Variants in UACA observed in about 807,000 individuals in gnomAD.
The protein encoded by UACA is nuclear membrane binding protein.
UACA carries 112 observed loss-of-function variants against 160.5 expected under a neutral mutation model. The observed-to-expected ratio is 0.70, with a 90% CI of 0.60 to 0.82. The LOEUF (loss-of-function observed/expected upper bound fraction) is 0.82, where lower values mean the gene tolerates loss of function less well. Among genes scored for constraint, UACA ranks in the 40% least tolerant of loss-of-function variants. UACA has a pLI of 0.00. For missense variants in UACA, 1,574 were observed against 1,614.6 expected (o/e 0.97, Z 0.43); for synonymous variants, 557 against 568.4 (o/e 0.98, Z 0.29).
At chr15:70,670,341 C>T (rs1897093653) in intron 15 of UACA, among the ~76,000 whole-genome samples, 1 of 152,096 alleles carries the variant, frequency 6.6e-6, no homozygotes, top group Non-Finnish European at 1.5e-5. Flanking sequence ...TAGCCTGCCC[C>T]CAAGAGAAGA....
chr15:70,716,812 A>C (rs1389057098), intron 1 of UACA, among the ~76,000 whole-genome samples: 2 of 152,180 alleles, frequency 1.3e-5, no homozygotes, highest in East Asian at 3.8e-4. Flanking sequence ...AACAGTATTC[A>C]TCTATGTTTT....
intron 14 of UACA, 114 bp from the exon 15 acceptor site, chr15:70,671,205 C>T: frequency 1.4e-6 from 1 of 705,604 alleles, no homozygotes. Flanking sequence ...GCAAGAGGTA[C>T]AACACAAAAG....
chr15:70,749,698 C>CAAAAAAAAAAAAAAAAA (rs11292883), intron 1 of UACA, among the ~76,000 whole-genome samples: 32 of 70,046 alleles, frequency 4.6e-4, no homozygotes, highest in African/African-American at 1.6e-3. Flanking sequence ...GACTCCGTCT[C>CAAAAAAAAAAAAAAAAA]AAAAAAAAAA....
rs1001154257 is a variant in UACA at position 70,741,337 on chromosome 15, AG to A, written c.78+21992del. Among the ~76,000 whole-genome samples, 93 of 152,338 alleles carry A rather than the reference AG, an allele frequency of 6.1e-4. 1 individual carries two copies. The highest frequency in any genetic ancestry group is 2.2e-3 in the African/African-American group (90 of 41,588). On this transcript the variant is annotated intron_variant, in intron 1 of 18. Coordinates refer to ENST00000322954, the MANE Select transcript of UACA (RefSeq NM_018003.4). ...CTCTGTGTCCCTTCAAAGAACCACA[AG>A]GCCTATCTACATGTGCTGGATCAAA...
chr15:70,718,081 T>A (rs1023562564), intron 1 of UACA, among the ~76,000 whole-genome samples: 3 of 150,806 alleles, frequency 2.0e-5, no homozygotes, highest in Admixed American at 1.3e-4. Flanking sequence ...TTAGTTTTAT[T>A]TCTCTGGATA....
At chr15:70,770,611 A>G in the UACA span, among the ~76,000 whole-genome samples, 2 of 152,224 alleles carry the variant, frequency 1.3e-5, no homozygotes, top group Non-Finnish European at 2.9e-5. Context: ...TAATTTTGCC[A>G]GGCTAGGGAG....
chr15:70,662,719 C>T (rs1466414934), intron 17 of UACA, among the ~76,000 whole-genome samples: 3 of 152,190 alleles, frequency 2.0e-5, no homozygotes, highest in Non-Finnish European at 4.4e-5. Flanking sequence ...ATATCTACAA[C>T]TATCTGATCT....
At position 70,676,483 on chromosome 15, in the gene UACA, C is replaced by A. The variant is rs1177200938; in HGVS notation, c.1131+10G>T. ...TATGAATTACAGGAAATAATTTATC[C>A]TTTCTATACCTCAAAATATTTAAAT... is the stretch of plus-strand genomic sequence containing the variant. On this transcript the variant is annotated intron_variant, in intron 13 of 18. Transcript: ENST00000322954. 1.9e-6 allele frequency: 3 copies of A among 1,566,420 alleles called. No homozygotes were observed. Among genetic ancestry groups the A allele is most frequent in the Non-Finnish European group, 2.6e-6 (3 of 1,140,778 alleles).
At chr15:70,736,166 T>A (rs1899358748) in intron 1 of UACA, among the ~76,000 whole-genome samples, 1 of 152,130 alleles carries the variant, frequency 6.6e-6, no homozygotes, top group Admixed American at 6.5e-5. Context: ...TCTAAATGGG[T>A]TTAATTTTCA....
chr15:70,763,725 G>A, upstream of UACA: 1 of 304,752 alleles, frequency 3.3e-6, no homozygotes, highest in Non-Finnish European at 5.7e-6. Context: ...ACTTTAGCCC[G>A]GGAAGGGGCG....
Position 70,709,446 on chromosome 15 carries a change from T to C in UACA, c.79-9786A>G, listed in dbSNP as rs894384382. 5.9e-5 allele frequency among the ~76,000 whole-genome samples: 9 copies of C among 152,238 alleles called. No homozygotes were observed. The South Asian group carries it at 1.0e-3, about 17-fold the overall frequency. ...ATAAAAGAAATCACAAGTTTTGACA[T>C]TGACTCTCATATTAATATCAATTAG... On this transcript the variant is annotated intron_variant, in intron 1 of 18. Transcript: ENST00000322954.
intron 1 of UACA, among the ~76,000 whole-genome samples, chr15:70,712,223 T>C (rs1380237477): frequency 6.6e-6 from 1 of 151,890 alleles, no homozygotes; most frequent in African/African-American, 2.4e-5. Flanking sequence ...TGGTTGTGTG[T>C]AGACAGAAAC....
Position 70,667,653 on chromosome 15 carries a change from C to A in UACA, c.3031G>T (p.Glu1011Ter), listed in dbSNP as rs772971250. 69 of 1,613,246 alleles carry A rather than the reference C, an allele frequency of 4.3e-5. No individual in the cohort carries two copies. Among genetic ancestry groups the A allele is most frequent in the Non-Finnish European group, 5.8e-5 (68 of 1,179,986 alleles). The change falls in exon 16 of 19, where the codon GAG becomes TAG. Residue 1011 changes from glutamate to a stop codon, truncating the protein, a stop_gained. Transcript: ENST00000322954. LOFTEE classifies it high-confidence loss of function. Reference sequence around the variant, plus strand: ...CTGACACTATACTTTTGTGTCTGCTCTGATAACTGGTCTTTTAGTTCTTTC... The same window carrying A: ...CTGACACTATACTTTTGTGTCTGCTATGATAACTGGTCTTTTAGTTCTTTC... Reference protein sequence around the residue: ...TEKELKDQLSEQTQKYSVSEE... With the variant: ...TEKELKDQLS
intron 1 of UACA, among the ~76,000 whole-genome samples, chr15:70,749,604 CAGG>C (rs1438592336): frequency 6.8e-6 from 1 of 146,728 alleles, no homozygotes; most frequent in Admixed American, 7.0e-5. Context: ...GAGGCTGAGG[CAGG>C]AGAATGGCGT....
the UACA span, among the ~76,000 whole-genome samples, chr15:70,769,338 C>CAAAA: frequency 1.7e-4 from 13 of 77,648 alleles, no homozygotes; most frequent in South Asian, 1.3e-3. Flanking sequence ...GACTCCGACT[C>CAAAA]AAAAAAAAAA....
chr15:70,687,436 A>C, intron 7 of UACA, 104 bp downstream of exon 7: 1 of 1,028,264 alleles, frequency 9.7e-7, no homozygotes, highest in South Asian at 1.4e-5. Context: ...GGGAGAACCC[A>C]CAGGAAAGAA....
At chr15:70,670,206 G>C (rs1897088504) in intron 15 of UACA, among the ~76,000 whole-genome samples, 1 of 152,140 alleles carries the variant, frequency 6.6e-6, no homozygotes, top group Non-Finnish European at 1.5e-5. Flanking sequence ...GTGGATGTAT[G>C]ACCTTCTTCA....
intron 1 of UACA, among the ~76,000 whole-genome samples, chr15:70,722,634 C>T (rs1031012219): frequency 2.6e-5 from 4 of 152,084 alleles, no homozygotes; most frequent in African/African-American, 7.2e-5. Flanking sequence ...TTTTGTTATA[C>T]GTCTTTTCAA....
At chr15:70,693,835 T>C (rs1270980161) in intron 3 of UACA, among the ~76,000 whole-genome samples, 1 of 152,092 alleles carries the variant, frequency 6.6e-6, no homozygotes, top group Non-Finnish European at 1.5e-5. Context: ...TAGTCCAAAA[T>C]TTCTAAAAAT....
Sources: gnomAD v4.1 joint callset for allele counts (sites outside exome capture counted in the v4.1 genomes callset) on GRCh38, gnomAD v4.1.1 for gene constraint, MANE v1.5 for transcripts, NCBI Gene and HGNC (gene_info 2026-07-23, HGNC 2026-07-21) for gene names.